Variants in MYO7B observed in about 807,000 individuals in gnomAD.
MYO7B encodes the protein myosin VIIB.
In MYO7B, 212 loss-of-function variants were observed where a neutral mutation model predicts 259.7. The ratio of observed to expected loss-of-function variants is 0.82; its 90% confidence interval spans 0.73 to 0.91. MYO7B has a LOEUF of 0.91. Ranked by LOEUF, MYO7B falls within the 40% of genes least tolerant of loss-of-function variation. The probability of loss-of-function intolerance (pLI) is 0.00; values close to 1 mark genes in which losing one functional copy is unlikely to be tolerated. For synonymous variants in MYO7B, 1,197 were observed against 1,166.4 expected, an observed-to-expected ratio of 1.03 and a Z score of -0.54; for missense variants, 2,732 against 2,813.5, an observed-to-expected ratio of 0.97 and a Z score of 0.66.
At chr2:127,589,791 T>C (rs1414364416) in intron 15 of MYO7B, among the ~76,000 whole-genome samples, 20 of 93,028 alleles carry the variant, frequency 2.1e-4, no homozygotes, top group Non-Finnish European at 3.6e-4. Context: ...GATGGACGCA[T>C]GGGTGGGTGG....
chr2:127,559,012 A>T lies in MYO7B; in HGVS notation c.-23-688A>T, dbSNP rs556255888. Among the ~76,000 whole-genome samples, 1 of 152,266 alleles carries T rather than the reference A, an allele frequency of 6.6e-6. No individual in the cohort carries two copies. Among genetic ancestry groups the T allele is most frequent in the East Asian group, 1.9e-4 (1 of 5,180 alleles). ...TAAAGAGCTTAGCAATAGACCTGGT[A>T]CCCACCTTGCACTGCTCAGCGCAGG... On this transcript the variant is annotated intron_variant, in intron 1 of 47. Transcript: ENST00000409816. The surrounding 1 kb of genome is among the most constrained non-coding windows in gnomAD (Gnocchi z 4.1).
chr2:127,536,182 A>C (rs1162139228), intron 1 of MYO7B, among the ~76,000 whole-genome samples: 1 of 152,100 alleles, frequency 6.6e-6, no homozygotes, highest in African/African-American at 2.4e-5. Flanking sequence ...GAATCATGGG[A>C]CATCATGGAT....
chr2:127,637,419 A>G lies in MYO7B; in HGVS notation c.*2A>G, dbSNP rs931562118. 14 of 1,518,042 alleles carry G rather than the reference A, an allele frequency of 9.2e-6. No individual in the cohort carries two copies. The African/African-American group carries it at 1.8e-4, about 20-fold the overall frequency. 94.0% of individuals were successfully genotyped at this position (1,518,042 alleles called of 1,614,324 possible). ...GCCCCAGCCCTGGCCAGCACCTAGC[A>G]GCGGATGCTGGCGTGTCTGCTCAGG... is the stretch of plus-strand genomic sequence containing the variant. On this transcript the variant is annotated 3_prime_UTR_variant, in exon 48 of 48. Coordinates refer to ENST00000409816, the MANE Select transcript of MYO7B (RefSeq NM_001393586.1).
chr2:127,572,416 C>CA (rs34864324), intron 6 of MYO7B, among the ~76,000 whole-genome samples: 32,445 of 78,752 alleles, frequency 0.41, 11,451 homozygotes, highest in South Asian at 0.68. Context: ...GAGACTGTCT[C>CA]AAAAAAAAAA....
Position 127,628,519 on chromosome 2 carries a change from G to T in MYO7B, c.4608G>T (p.Gln1536His). ...KERSIFAMAL[Q>H]DRKATDDTTL... ...GGTCCATTTTCGCCATGGCCCTGCAGGACAGGAAGGCCACAGGTGCCAGAC... is the reference window on the plus strand; with the variant it reads ...GGTCCATTTTCGCCATGGCCCTGCATGACAGGAAGGCCACAGGTGCCAGAC... The change falls in exon 34 of 48, where the codon CAG becomes CAT. Residue 1536 changes from glutamine (Q) to histidine (H), a missense_variant. By Grantham distance (24) the Gln-to-His change is conservative (BLOSUM62 0). Around this residue, in one of 3 missense-constraint regions of MYO7B, gnomAD observed 1,906 missense variants for 2,026.4 expected, o/e 0.94. Transcript: ENST00000409816. This position sits in a 1 kb window ranked among gnomAD's most constrained non-coding sequence, Gnocchi z 4.8. The T allele has an allele frequency of 7.0e-7, 1 of 1,428,378 alleles. No individual in the cohort carries two copies. The highest frequency in any genetic ancestry group is 1.2e-5 in the South Asian group (1 of 82,584). 88.5% of individuals were successfully genotyped at this position (1,428,378 alleles called of 1,614,324 possible).
chr2:127,604,590 C>T (rs775602359), intron 19 of MYO7B, among the ~76,000 whole-genome samples: 12 of 152,322 alleles, frequency 7.9e-5, no homozygotes, highest in South Asian at 4.1e-4. Flanking sequence ...TGGCCTGTCT[C>T]AGTTTTGGAC....
chr2:127,538,826 A>G (rs1309821758), intron 1 of MYO7B, among the ~76,000 whole-genome samples: 2 of 152,082 alleles, frequency 1.3e-5, no homozygotes, highest in African/African-American at 4.8e-5. Flanking sequence ...CAGCCTCCCA[A>G]AGTGCTGGGA....
At chr2:127,592,372 G>A (rs1031945632) in intron 16 of MYO7B, among the ~76,000 whole-genome samples, 1 of 152,184 alleles carries the variant, frequency 6.6e-6, no homozygotes, top group Non-Finnish European at 1.5e-5. Context: ...TCCAGCCTGA[G>A]CGACAGAACG....
rs1681781916 is a variant in MYO7B at position 127,636,009 on chromosome 2, C to A, written c.6006+102C>A. Reference sequence around the variant, plus strand: ...TGGGCTCCAAGATCACATGGGTGCACATGGGTGGTGTGGAGGGTGGGCTGG... The same window carrying A: ...TGGGCTCCAAGATCACATGGGTGCAAATGGGTGGTGTGGAGGGTGGGCTGG... On this transcript the variant is annotated intron_variant, in intron 44 of 47. Coordinates refer to ENST00000409816, the MANE Select transcript of MYO7B (RefSeq NM_001393586.1). The surrounding 1 kb of genome is among the most constrained non-coding windows in gnomAD (Gnocchi z 4.5). 5 of 1,405,850 alleles carry A rather than the reference C, an allele frequency of 3.6e-6. No homozygotes were observed. In the South Asian group the frequency reaches 6.9e-5, roughly 20 times the overall value. 87.1% of individuals were successfully genotyped at this position (1,405,850 alleles called of 1,614,324 possible). A position where few individuals can be genotyped will look rare whatever the true frequency, so the allele number is the denominator to read the frequency against.
At chr2:127,612,133 C>T (rs1680408543) in intron 24 of MYO7B, 117 bp from the exon 25 acceptor site, 8 of 453,384 alleles carry the variant, frequency 1.8e-5, no homozygotes, top group Non-Finnish European at 2.6e-5. Context: ...CTTTATAAAT[C>T]GGGCCAGGAA....
chr2:127,560,947 T>C (rs1678061161), intron 2 of MYO7B, among the ~76,000 whole-genome samples: 1 of 152,164 alleles, frequency 6.6e-6, no homozygotes, highest in Non-Finnish European at 1.5e-5. Context: ...CTTCTTGTTT[T>C]CAGTTACAGA....
At chr2:127,553,765 A>C (rs922121389) in intron 1 of MYO7B, among the ~76,000 whole-genome samples, 4 of 152,080 alleles carry the variant, frequency 2.6e-5, no homozygotes, top group Non-Finnish European at 5.9e-5. Context: ...CTCTTGTCTG[A>C]TTGCTCTGGC....
chr2:127,612,736 G>A (rs1680435551), intron 26 of MYO7B, 133 bp downstream of exon 26: 2 of 1,353,742 alleles, frequency 1.5e-6, no homozygotes, highest in South Asian at 1.5e-5. Context: ...TGGGTCTCAG[G>A]ACAGCAGATG....
intron 19 of MYO7B, among the ~76,000 whole-genome samples, chr2:127,605,361 C>T (rs1680123134): frequency 6.6e-6 from 1 of 152,164 alleles, no homozygotes; most frequent in South Asian, 2.1e-4. Flanking sequence ...TTTGGGAGGC[C>T]GAGGTAGGTG....
Position 127,607,083 on chromosome 2 carries a change from G to A in MYO7B, c.2425-123G>A, listed in dbSNP as rs965403934. On this transcript the variant is annotated intron_variant, in intron 20 of 47. Transcript: ENST00000409816. The surrounding 1 kb of genome is among the most constrained non-coding windows in gnomAD (Gnocchi z 4.4). The stretch of plus-strand genomic sequence containing the variant: ...CATAGGTGTGTACCATTCTAGCACC[G>A]GCCCTTTGCCAAAACAAAACTAACT... 47 of 861,192 alleles carry A rather than the reference G, an allele frequency of 5.5e-5. No individual in the cohort carries two copies. Among genetic ancestry groups the A allele is most frequent in the Middle Eastern group, 3.5e-4 (1 of 2,826 alleles). 53.3% of individuals were successfully genotyped at this position (861,192 alleles called of 1,614,324 possible).
At chr2:127,547,684 C>A (rs537202306) in intron 1 of MYO7B, among the ~76,000 whole-genome samples, 215 of 152,210 alleles carry the variant, frequency 1.4e-3, no homozygotes, top group African/African-American at 5.0e-3. Flanking sequence ...TTCTGAGAGT[C>A]CAGCAGCAGC....
chr2:127,610,451 C>A (rs1680340157), intron 24 of MYO7B, among the ~76,000 whole-genome samples: 1 of 152,194 alleles, frequency 6.6e-6, no homozygotes, highest in Non-Finnish European at 1.5e-5. Context: ...GCTGAAATGA[C>A]CTGCCCCCAG....
At chr2:127,578,318 G>T in intron 9 of MYO7B, 32 bp downstream of exon 9, 1 of 1,612,424 alleles carries the variant, frequency 6.2e-7, no homozygotes, top group Non-Finnish European at 8.5e-7. Flanking sequence ...CTGCACCCTT[G>T]GGGAGGGAGA....
At chr2:127,583,504 G>A (rs1032061692) in intron 12 of MYO7B, among the ~76,000 whole-genome samples, 3 of 152,226 alleles carry the variant, frequency 2.0e-5, no homozygotes, top group Non-Finnish European at 2.9e-5. Context: ...GGAGGGACAG[G>A]TATTGGAGAC....
Sources: gnomAD v4.1 joint callset for allele counts (sites outside exome capture counted in the v4.1 genomes callset) on GRCh38, gnomAD v4.1.1 for gene constraint, gnomAD v4.1.1 regional missense constraint, Gnocchi (gnomAD v3.1) non-coding constraint, MANE v1.5 for transcripts, NCBI Gene and HGNC (gene_info 2026-07-23, HGNC 2026-07-21) for gene names.